Variants in NEMF observed in about 807,000 individuals in gnomAD.
NEMF encodes ribosome quality control complex subunit NEMF.
Under a neutral mutation model 162.2 loss-of-function variants are expected in NEMF, and 89 were observed. That is an observed-to-expected ratio of 0.55 (90% CI 0.46 to 0.65). The LOEUF is 0.65. Among genes scored for constraint, NEMF ranks in the 30% least tolerant of loss-of-function variants. NEMF has a pLI of 0.00. For synonymous variants in NEMF, 421 were observed against 404.5 expected (o/e 1.04, Z -0.49); for missense variants, 1,133 against 1,261.9 (o/e 0.90, Z 1.55).
In NEMF at chr14:49,786,735, C is replaced by T. The variant is rs1406251954; in HGVS notation, c.2911G>A (p.Asp971Asn). 1 of 1,613,334 alleles carries T rather than the reference C, an allele frequency of 6.2e-7. No homozygotes were observed. Among genetic ancestry groups the T allele is most frequent in the Admixed American group, 1.7e-5 (1 of 59,988 alleles). The change falls in exon 29 of 33, where the codon GAT (aspartate) becomes AAT (asparagine). Residue 971 changes from aspartate to asparagine, a missense_variant. This residue lies in a region of NEMF where 532 missense variants were observed against 578.6 expected (regional missense o/e 0.92). Transcript: ENST00000298310. ...PHDDKEEQDLDQQGNEENLFD... is the reference protein window; with the variant it reads ...PHDDKEEQDLNQQGNEENLFD... ...AATCATACCTCATTTCCCTGTTGAT[C>T]CAGATCTTGCTCTTCCTGTTCCGAA...
Position 49,828,701 on chromosome 14 carries a change from T to G in NEMF, c.1339A>C (p.Asn447His), listed in dbSNP as rs759590920. ...PPKGKKKKQK[N>H]KQLQKPQKNK... is the part of the protein sequence containing the mutation. The stretch of plus-strand genomic sequence containing the variant: ...TTCTGAGGCTTCTGCAGCTGTTTAT[T>G]CTTTTGTTTTTTCTTTTTTCCTTTT... The change falls in exon 14 of 33, where the codon AAT becomes CAT. Residue 447 changes from asparagine to histidine, a missense_variant. Asn to His is a moderately conservative substitution (Grantham distance 68). Around this residue, in one of 3 missense-constraint regions of NEMF, gnomAD observed 582 missense variants for 631.5 expected, o/e 0.92. Transcript: ENST00000298310. 3 of 1,607,304 alleles carry G rather than the reference T, an allele frequency of 1.9e-6. No homozygotes were observed. In the African/African-American group the frequency reaches 4.0e-5, roughly 22 times the overall value.
chr14:49,823,075 T>C (rs1892162901), intron 16 of NEMF, among the ~76,000 whole-genome samples: 1 of 151,978 alleles, frequency 6.6e-6, no homozygotes, highest in South Asian at 2.1e-4. Context: ...TAGCTGGGAT[T>C]ACAGGCACCT....
chr14:49,786,461 C>T (rs1566645013), intron 29 of NEMF: 3 of 483,030 alleles, frequency 6.2e-6, no homozygotes, highest in East Asian at 3.4e-5. Flanking sequence ...CCTTTACATA[C>T]ATTAGTTATC....
intron 28 of NEMF, among the ~76,000 whole-genome samples, chr14:49,787,596 C>G (rs1466269349): frequency 6.6e-6 from 1 of 152,322 alleles, no homozygotes; most frequent in African/African-American, 2.4e-5. Context: ...GAAGAGCCCT[C>G]GTGACTTCAC....
intron 16 of NEMF, among the ~76,000 whole-genome samples, chr14:49,820,908 G>A (rs1891978384): frequency 6.6e-6 from 1 of 152,026 alleles, no homozygotes; most frequent in Non-Finnish European, 1.5e-5. Flanking sequence ...ACGGAGTCTC[G>A]TTAACTCAGT....
At chr14:49,789,002 T>A in intron 28 of NEMF, 144 bp downstream of exon 28, 1 of 688,454 alleles carries the variant, frequency 1.5e-6, no homozygotes, top group Non-Finnish European at 2.6e-6. Flanking sequence ...TTTTAGTCTT[T>A]CAGGTTGTAT....
chr14:49,833,339 T>C (rs1892737082), intron 8 of NEMF, 84 bp downstream of exon 8: 1 of 727,852 alleles, frequency 1.4e-6, no homozygotes, highest in Non-Finnish European at 2.2e-6. Flanking sequence ...ATAAAATGTA[T>C]ATATAATGAT....
intron 22 of NEMF, chr14:49,801,496 A>C (rs905141778): frequency 2.6e-5 from 4 of 152,144 alleles, no homozygotes; most frequent in Non-Finnish European, 4.4e-5. Flanking sequence ...CGGGGGGAAA[A>C]AAAAAAAGAA....
chr14:49,842,187 T>A (rs1454436191), intron 4 of NEMF, among the ~76,000 whole-genome samples: 1 of 145,666 alleles, frequency 6.9e-6, no homozygotes, highest in African/African-American at 2.5e-5. Context: ...GTTAGGGAAA[T>A]TAAATTATGA....
chr14:49,795,717 C>T (rs1386357756), intron 26 of NEMF, 74 bp downstream of exon 26: 15 of 1,405,494 alleles, frequency 1.1e-5, no homozygotes, highest in Non-Finnish European at 1.5e-5. Flanking sequence ...TTTTCTATTT[C>T]ACTTCAACTT....
chr14:49,848,183 T>A (rs1183220970), intron 3 of NEMF, among the ~76,000 whole-genome samples: 1 of 152,128 alleles, frequency 6.6e-6, no homozygotes, highest in Non-Finnish European at 1.5e-5. Context: ...CTACAAACTT[T>A]ACTAATATAA....
At position 49,846,140 on chromosome 14, in the gene NEMF, C is replaced by T. The variant is rs1594810296; in HGVS notation, c.357G>A (p.Arg119=). ...AYHLIIELYD[R]GNIVLTDYEY... ...ACCATATCCCACAAATTTAACTTAC[C>T]CTATCATAGAGCTCAATGATTAAAT... is the stretch of plus-strand genomic sequence containing the variant. Residue 119 remains arginine, a splice_region_variant and synonymous_variant, in exon 4 of 33, where the codon AGG becomes AGA. Coordinates refer to ENST00000298310, the MANE Select transcript of NEMF (RefSeq NM_004713.6). 10 of 1,610,194 alleles carry T rather than the reference C, an allele frequency of 6.2e-6. No homozygotes were observed. The East Asian group carries it at 2.2e-4, about 36-fold the overall frequency.
intron 4 of NEMF, among the ~76,000 whole-genome samples, chr14:49,842,454 C>T (rs1032123311): frequency 1.3e-5 from 2 of 152,100 alleles, no homozygotes; most frequent in African/African-American, 4.8e-5. Flanking sequence ...ATAAAGCTAA[C>T]GAAAGAATAC....
rs148821260 is a variant in NEMF, at chr14:49,800,488, C to T, written c.2304G>A (p.Lys768=). 1.2e-6 allele frequency: 2 copies of T among 1,613,838 alleles called. No individual in the cohort carries two copies. The highest frequency in any genetic ancestry group is 1.7e-6 in the Non-Finnish European group (2 of 1,179,806). ...RKDQDSVGEM[K]DEGEETLNYP... ...AATTTAATGTCTCTTCCCCTTCATC[C>T]TTCATTTCACCAACAGAATCCTGAT... The change falls in exon 23 of 33, where the codon AAG becomes AAA. Residue 768 remains lysine, a synonymous_variant. Coordinates refer to ENST00000298310, the MANE Select transcript of NEMF (RefSeq NM_004713.6).
chr14:49,804,405 C>T (rs182330301), intron 19 of NEMF, among the ~76,000 whole-genome samples: 8 of 151,868 alleles, frequency 5.3e-5, no homozygotes, highest in South Asian at 2.1e-4. Flanking sequence ...GGGCCAGGTA[C>T]AGTGGCTCAC....
rs143554120 is a variant in NEMF at position 49,832,207 on chromosome 14, G to A, written c.806C>T (p.Thr269Met). Residue 269 changes from threonine to methionine, a missense_variant and splice_region_variant, in exon 9 of 33, where the codon ACG becomes ATG. Coordinates refer to ENST00000298310, the MANE Select transcript of NEMF (RefSeq NM_004713.6). ...EADKPVEDILTYEEFHPFLFS... is the reference protein window; with the variant it reads ...EADKPVEDILMYEEFHPFLFS... ...AATTGACCCATGCCTATATGCTTACGTCAGTATGTCTTCAACTGGTTTATC... is the reference window on the plus strand; with the variant it reads ...AATTGACCCATGCCTATATGCTTACATCAGTATGTCTTCAACTGGTTTATC... 1.3e-5 allele frequency: 21 copies of A among 1,608,054 alleles called. No individual in the cohort carries two copies. The highest frequency in any genetic ancestry group is 2.2e-5 in the East Asian group (1 of 44,810).
intron 10 of NEMF, among the ~76,000 whole-genome samples, chr14:49,831,802 C>T (rs559613497): frequency 1.5e-4 from 23 of 152,236 alleles, no homozygotes; most frequent in African/African-American, 2.9e-4. Context: ...AACAGATTTC[C>T]GGTAAATGTA....
intron 18 of NEMF, among the ~76,000 whole-genome samples, chr14:49,810,008 G>A (rs1055807810): frequency 1.3e-5 from 2 of 152,044 alleles, no homozygotes; most frequent in East Asian, 1.9e-4. Context: ...CAGGGGGTAT[G>A]AGGGAAATCA....
At chr14:49,841,183 G>A (rs187781218) in intron 4 of NEMF, among the ~76,000 whole-genome samples, 2 of 82,400 alleles carry the variant, frequency 2.4e-5, no homozygotes, top group Admixed American at 1.8e-4. Context: ...GGCAACAAGA[G>A]CAAACTCTGT....
Sources: gnomAD v4.1 joint callset for allele counts (sites outside exome capture counted in the v4.1 genomes callset) on GRCh38, gnomAD v4.1.1 for gene constraint, gnomAD v4.1.1 regional missense constraint, MANE v1.5 for transcripts, NCBI Gene and HGNC (gene_info 2026-07-23, HGNC 2026-07-21) for gene names.